The following BRAT1 variants were observed in gnomAD, a reference collection of about 807,000 sequenced individuals.
The protein encoded by BRAT1 is BRCA1 associated ATM activator 1.
A neutral mutation model predicts 70.6 loss-of-function variants in BRAT1; 74 were observed. The observed-to-expected ratio is 1.05, with a 90% CI of 0.87 to 1.27. The LOEUF (loss-of-function observed/expected upper bound fraction) is 1.27. Among genes scored for constraint, BRAT1 ranks in the 50% most tolerant of loss-of-function variants. The pLI is 0.00. For missense variants in BRAT1, 1,203 were observed against 1,098.2 expected, an observed-to-expected ratio of 1.10 and a Z score of -1.35; for synonymous variants, 615 against 517.1, an observed-to-expected ratio of 1.19 and a Z score of -2.57.
In BRAT1 at chr7:2,541,401, G is replaced by A. The variant is rs1248801630; in HGVS notation, c.1218C>T (p.Ala406=). 2.5e-6 allele frequency: 4 copies of A among 1,602,364 alleles called. No individual in the cohort carries two copies. The highest frequency in any genetic ancestry group is 3.4e-6 in the Non-Finnish European group (4 of 1,176,568). The part of the protein sequence containing the change: ...TVLRLCDGSA[A]PASSVGGHLC... ...GGTGGCCCCCCACACTGGAGGCAGGGGCAGCCGAGCCGTCACAGAGCCGCA... is the reference window on the plus strand; with the variant it reads ...GGTGGCCCCCCACACTGGAGGCAGGAGCAGCCGAGCCGTCACAGAGCCGCA... Residue 406 remains alanine, a synonymous_variant, in exon 9 of 14, where the codon GCC becomes GCT. Coordinates refer to ENST00000340611, the MANE Select transcript of BRAT1 (RefSeq NM_152743.4).
intron 1 of BRAT1, 74 bp from the exon 2 acceptor site, chr7:2,554,521 C>T: frequency 1.3e-6 from 2 of 1,486,306 alleles, no homozygotes; most frequent in Non-Finnish European, 1.8e-6. Flanking sequence ...AGCAGCCCAC[C>T]ATGCCTGCTC....
chr7:2,548,414 G>A (rs1477675933), intron 2 of BRAT1, among the ~76,000 whole-genome samples: 9 of 151,936 alleles, frequency 5.9e-5, no homozygotes, highest in Admixed American at 3.3e-4. Flanking sequence ...AATCAGCACT[G>A]CAGGCTGGGT....
In BRAT1 at chr7:2,543,982, A is replaced by G. The variant is rs760084456; in HGVS notation, c.431-20T>C. ...CCGCACCTGGGTAGGGGATGGGGGA[A>G]GAGAGGGAAAAGGGGGTGAGCCAGA... On this transcript the variant is annotated intron_variant, in intron 4 of 13. Coordinates refer to ENST00000340611, the MANE Select transcript of BRAT1 (RefSeq NM_152743.4). The surrounding 1 kb of genome is among the most constrained non-coding windows in gnomAD (Gnocchi z 5.5). The G allele has an allele frequency of 6.5e-7, 1 of 1,533,032 alleles. No homozygotes were observed. The highest frequency in any genetic ancestry group is 1.2e-5 in the South Asian group (1 of 81,212). 95.0% of individuals were successfully genotyped at this position (1,533,032 alleles called of 1,614,324 possible).
At chr7:2,551,147 G>A (rs1283529738) in intron 2 of BRAT1, among the ~76,000 whole-genome samples, 1 of 151,946 alleles carries the variant, frequency 6.6e-6, no homozygotes, top group Non-Finnish European at 1.5e-5. Context: ...GGCTGAGGCA[G>A]GAGAATCGTT....
At chr7:2,551,780 T>C (rs1029279035) in intron 2 of BRAT1, among the ~76,000 whole-genome samples, 3 of 151,504 alleles carry the variant, frequency 2.0e-5, no homozygotes, top group African/African-American at 7.3e-5. Flanking sequence ...GTGAAATCTC[T>C]AGAACATTGA....
intron 8 of BRAT1, 46 bp downstream of exon 8, chr7:2,541,672 C>T: frequency 6.4e-7 from 1 of 1,562,534 alleles, no homozygotes; most frequent in Non-Finnish European, 8.7e-7. Flanking sequence ...GGTCCCACCG[C>T]CAGCGTGGAT....
chr7:2,554,609 G>A (rs1433970475), intron 1 of BRAT1, among the ~76,000 whole-genome samples, 162 bp from the exon 2 acceptor site: 4 of 152,218 alleles, frequency 2.6e-5, no homozygotes, highest in Non-Finnish European at 5.9e-5. Context: ...CTGTACTGCA[G>A]GGATGGATGC....
chr7:2,540,932 T>C lies in BRAT1; in HGVS notation c.1395+47A>G. The C allele has an allele frequency of 2.7e-6, 4 of 1,467,910 alleles. No homozygotes were observed. In the South Asian group the frequency reaches 5.9e-5, roughly 22 times the overall value. The allele number at this position is 1,467,910 out of a possible 1,614,324, so 90.9% of individuals were successfully genotyped here. On this transcript the variant is annotated intron_variant, in intron 10 of 13. Coordinates refer to ENST00000340611, the MANE Select transcript of BRAT1 (RefSeq NM_152743.4). The stretch of plus-strand genomic sequence containing the variant: ...GGGTGGAGTCAGGGGTGGGTCCCAC[T>C]GCCTCTGCCTCCCTCCTCTCCTCGC...
In BRAT1 at chr7:2,554,377, G is replaced by A. The variant is rs373874434; in HGVS notation, c.55C>T (p.Pro19Ser). 24 of 1,614,048 alleles carry A rather than the reference G, an allele frequency of 1.5e-5. No individual in the cohort carries two copies. Among genetic ancestry groups the A allele is most frequent in the Non-Finnish European group, 1.9e-5 (23 of 1,179,980 alleles). The change falls in exon 2 of 14, where the codon CCC becomes TCC. Residue 19 changes from proline (P) to serine (S), a missense_variant. By Grantham distance (74) the Pro-to-Ser change is moderately conservative. Coordinates refer to ENST00000340611, the MANE Select transcript of BRAT1 (RefSeq NM_152743.4). ...GTGTCATCTGCCACCGGCTGCCTGG[G>A]ATCTACCAGAACAGCACAGAGAGCC... ...LPALCAVLVD[P>S]RQPVADDTCL...
chr7:2,538,243 TGG>T lies in BRAT1; in HGVS notation c.2290_2291del (p.Pro764ArgfsTer6). 6.2e-7 allele frequency: 1 copy of T among 1,610,044 alleles called. No homozygotes were observed. Among genetic ancestry groups the T allele is most frequent in the Admixed American group, 1.7e-5 (1 of 59,904 alleles). On this transcript the variant is annotated frameshift_variant, in exon 14 of 14. Transcript: ENST00000340611. LOFTEE classifies it high-confidence loss of function. The part of the protein sequence containing the change: ...RWRAGEQAQP[P>X]GDQEPEAVLA... ...GCACAGCCTCAGGCTCCTGGTCCCC[TGG>T]GGGCTGGGCCTGCTCACCCGCCCGC...
chr7:2,542,027 C>T (rs879180235), intron 7 of BRAT1, 93 bp downstream of exon 7: 20 of 1,280,106 alleles, frequency 1.6e-5, no homozygotes, highest in Middle Eastern at 5.5e-4. Context: ...TAAAGTGGGG[C>T]GGGGGTGGCG....
At position 2,538,527 on chromosome 7, in the gene BRAT1, G is replaced by A. The variant is rs368449590; in HGVS notation, c.2008C>T (p.Arg670Cys). Reference sequence around the variant, plus strand: ...GCCACGGCATAGGGGCAGTGGGTACGCGGCGGCCCCAAAGTCTGGCCCAGG... The same window carrying A: ...GCCACGGCATAGGGGCAGTGGGTACACGGCGGCCCCAAAGTCTGGCCCAGG... ...VFLGQTLGPP[R>C]THCPYAVALP... Residue 670 changes from arginine (R) to cysteine (C), a missense_variant, in exon 14 of 14, where the codon CGT (arginine) becomes TGT (cysteine). Transcript: ENST00000340611. 2.5e-5 allele frequency: 40 copies of A among 1,606,334 alleles called. No homozygotes were observed. In the Admixed American group the frequency reaches 3.5e-4, roughly 14 times the overall value.
At chr7:2,540,008 G>A (rs141407073) in intron 10 of BRAT1, 120 bp from the exon 11 acceptor site, 2 of 675,146 alleles carry the variant, frequency 3.0e-6, no homozygotes, top group Non-Finnish European at 4.8e-6. Flanking sequence ...GACAGGAAGT[G>A]GAGAGAGAAG....
At position 2,539,563 on chromosome 7, in the gene BRAT1, C is replaced by G. The variant is rs1158444926; in HGVS notation, c.1578G>C (p.Gln526His). The G allele has an allele frequency of 6.4e-7, 1 of 1,570,964 alleles. No homozygotes were observed. ...VRDSALEFLTQLSRHWGGQAD... is the reference protein window; with the variant it reads ...VRDSALEFLTHLSRHWGGQAD... ...ACTCACCTCCCCAGTGCCTGCTCAG[C>G]TGGGTCAGGAACTCGAGGGCGGAGT... Residue 526 changes from glutamine to histidine, a missense_variant, in exon 12 of 14, where the codon CAG becomes CAC. By Grantham distance (24) the Gln-to-His change is conservative. Transcript: ENST00000340611.
At chr7:2,541,520 C>T in intron 8 of BRAT1, 36 bp from the exon 9 acceptor site, 7 of 1,510,096 alleles carry the variant, frequency 4.6e-6, no homozygotes, top group Non-Finnish European at 5.3e-6. Flanking sequence ...AGGTTGCGGT[C>T]CCACTGCCGG....
At chr7:2,539,105 G>C in intron 13 of BRAT1, 74 bp downstream of exon 13, 1 of 1,520,772 alleles carries the variant, frequency 6.6e-7, no homozygotes, top group Non-Finnish European at 8.8e-7. Context: ...CTGGCCGCTC[G>C]ACCACCCGCA....
rs777587491 is a variant in BRAT1 at position 2,545,010 on chromosome 7, C to T, written c.329G>A (p.Gly110Asp). The T allele has an allele frequency of 1.3e-6, 2 of 1,545,856 alleles. No homozygotes were observed. The highest frequency in any genetic ancestry group is 1.7e-6 in the Non-Finnish European group (2 of 1,144,736). ...GGTGGGGACGGCCCAGGTTGCTCGG[C>T]CGAGGGGTCCTGGCTCCCCAAAGAG... ...PGLFGEPGPL[G>D]RATWAVPTVR... The change falls in exon 4 of 14, where the codon GGC (glycine) becomes GAC (aspartate). Residue 110 changes from glycine (G) to aspartate (D), a missense_variant. Coordinates refer to ENST00000340611, the MANE Select transcript of BRAT1 (RefSeq NM_152743.4).
At chr7:2,538,864 C>G (rs1458006065) in intron 13 of BRAT1, 100 bp from the exon 14 acceptor site, 6 of 1,527,370 alleles carry the variant, frequency 3.9e-6, no homozygotes, top group Non-Finnish European at 5.2e-6. Flanking sequence ...CCCGGACATG[C>G]AGTCTAGGGC....
chr7:2,544,477 C>T (rs1779448883), intron 4 of BRAT1, among the ~76,000 whole-genome samples: 1 of 152,264 alleles, frequency 6.6e-6, no homozygotes, highest in Admixed American at 6.5e-5. Flanking sequence ...GCTGAGATTA[C>T]AGGCGTGAGC....
Sources: gnomAD v4.1 joint callset for allele counts (sites outside exome capture counted in the v4.1 genomes callset) on GRCh38, gnomAD v4.1.1 for gene constraint, Gnocchi (gnomAD v3.1) non-coding constraint, MANE v1.5 for transcripts, NCBI Gene and HGNC (gene_info 2026-07-23, HGNC 2026-07-21) for gene names.